The following LYST variants were observed in gnomAD, a reference collection of about 807,000 sequenced individuals.
The protein encoded by LYST is lysosomal-trafficking regulator.
Under a neutral mutation model 413.6 loss-of-function variants are expected in LYST, and 192 were observed. That is an observed-to-expected ratio of 0.46 (90% CI 0.41 to 0.52). The LOEUF is 0.52. Among genes scored for constraint, LYST ranks in the 20% least tolerant of loss-of-function variants. LYST has a pLI of 0.00. For missense variants in LYST, 3,815 were observed against 4,499.9 expected (o/e 0.85, Z 4.35); for synonymous variants, 1,525 against 1,567.3 (o/e 0.97, Z 0.64).
intron 47 of LYST, among the ~76,000 whole-genome samples, chr1:235,690,409 C>T (rs556645256): frequency 3.3e-4 from 50 of 152,220 alleles, no homozygotes; most frequent in African/African-American, 1.2e-3. Flanking sequence ...AGTTATACTA[C>T]AAGCTTTGCC....
At chr1:235,837,146 G>T (rs1158530152) in intron 1 of LYST, among the ~76,000 whole-genome samples, 3 of 152,202 alleles carry the variant, frequency 2.0e-5, no homozygotes, top group African/African-American at 7.2e-5. Context: ...TAAGGGAGCA[G>T]AGAAGAGGTT....
intron 30 of LYST, among the ~76,000 whole-genome samples, chr1:235,742,272 T>C (rs1665481761): frequency 1.3e-5 from 2 of 151,970 alleles, no homozygotes; most frequent in Non-Finnish European, 2.9e-5. Context: ...CTGGACAACA[T>C]GGTGAAACGC....
chr1:235,830,651 T>C (rs1675873010), intron 2 of LYST, among the ~76,000 whole-genome samples: 1 of 152,278 alleles, frequency 6.6e-6, no homozygotes, highest in East Asian at 1.9e-4. Flanking sequence ...TACCTGAGCA[T>C]AGCTGAGAAT....
rs886046160 is a variant in LYST, at chr1:235,662,109, T to C, written c.*831A>G. The C allele has an allele frequency of 6.6e-6, 1 of 152,234 alleles. No homozygotes were observed. Among genetic ancestry groups the C allele is most frequent in the Non-Finnish European group, 1.5e-5 (1 of 68,034 alleles). The allele number at this position is 152,234 out of a possible 1,614,324, so 9.4% of individuals were successfully genotyped here. Reference sequence around the variant, plus strand: ...CTTCTTGCATACTGAAGGCTTTCTATTGCAAATTGGTACAGATTCAATGCT... The same window carrying C: ...CTTCTTGCATACTGAAGGCTTTCTACTGCAAATTGGTACAGATTCAATGCT... On this transcript the variant is annotated 3_prime_UTR_variant, in exon 53 of 53. Transcript: ENST00000389793.
chr1:235,836,114 A>G (rs1293573900), intron 1 of LYST, among the ~76,000 whole-genome samples: 2 of 152,220 alleles, frequency 1.3e-5, no homozygotes, highest in Admixed American at 1.3e-4. Flanking sequence ...AGTGACTGGT[A>G]AAATGTAAAA....
At position 235,830,260 on chromosome 1, in the gene LYST, A is replaced by T. The variant is rs1675805723; in HGVS notation, c.158T>A (p.Leu53Gln). The change falls in exon 3 of 53, where the codon CTA becomes CAA. Residue 53 changes from leucine to glutamine, a missense_variant. Leu to Gln is a moderately radical substitution (Grantham distance 113). This residue lies in a region of LYST where 1,648 missense variants were observed against 1,810.3 expected (regional missense o/e 0.91). Coordinates refer to ENST00000389793, the MANE Select transcript of LYST (RefSeq NM_000081.4). The stretch of plus-strand genomic sequence containing the variant: ...TATAGAATTTAGCTTGGTAAGTAAT[A>T]GAAATCCTCGACCATGGACAAGGTA... ...GQYLVHGRGF[L>Q]LLTKLNSIID... The T allele has an allele frequency of 6.2e-7, 1 of 1,613,864 alleles. No individual in the cohort carries two copies. Among genetic ancestry groups the T allele is most frequent in the Non-Finnish European group, 8.5e-7 (1 of 1,179,874 alleles).
chr1:235,724,217 C>A, intron 38 of LYST, 37 bp from the exon 39 acceptor site: 1 of 1,541,140 alleles, frequency 6.5e-7, no homozygotes, highest in South Asian at 1.2e-5. Flanking sequence ...TTTGTTTTAC[C>A]GGAAATATAA....
intron 3 of LYST, among the ~76,000 whole-genome samples, chr1:235,820,922 T>A (rs2102950491): frequency 6.6e-6 from 1 of 152,332 alleles, no homozygotes; most frequent in South Asian, 2.1e-4. Context: ...AACAAACATC[T>A]TTGCCTTATA....
At chr1:235,882,108 A>ACACACACACACACACACAC (rs1553330425) in intron 1 of LYST, among the ~76,000 whole-genome samples, 4 of 151,698 alleles carry the variant, frequency 2.6e-5, no homozygotes, top group African/African-American at 9.7e-5. Flanking sequence ...ACACACACAC[A>ACACACACACACACACACAC]AATAGGAGGC....
chr1:235,825,428 A>C (rs989172772), intron 3 of LYST, among the ~76,000 whole-genome samples: 1 of 152,228 alleles, frequency 6.6e-6, no homozygotes, highest in Non-Finnish European at 1.5e-5. Context: ...ATCATTATTT[A>C]CATACAAAAT....
upstream of LYST, among the ~76,000 whole-genome samples, chr1:235,870,101 A>G (rs916078125): frequency 3.9e-5 from 6 of 151,934 alleles, no homozygotes; most frequent in Admixed American, 3.9e-4. Context: ...TCATCTCACA[A>G]ATGTTCCCTA....
intron 34 of LYST, among the ~76,000 whole-genome samples, chr1:235,733,292 C>T (rs1458090827): frequency 6.6e-6 from 1 of 151,866 alleles, no homozygotes; most frequent in Non-Finnish European, 1.5e-5. Flanking sequence ...TCTAGATGAG[C>T]TACTGCCCCC....
At chr1:235,852,393 G>T (rs1678645490) in intron 1 of LYST, among the ~76,000 whole-genome samples, 2 of 152,162 alleles carry the variant, frequency 1.3e-5, no homozygotes, top group Non-Finnish European at 2.9e-5. Context: ...TGGGGAAAGG[G>T]CCCCAAAAGT....
rs753370421 is a variant in LYST at position 235,762,877 on chromosome 1, A to C, written c.6122-26T>G. On this transcript the variant is annotated intron_variant, in intron 21 of 52. Coordinates refer to ENST00000389793, the MANE Select transcript of LYST (RefSeq NM_000081.4). ...CTAGAATCCAAATTTTTTTTGAAAC[A>C]GCAAAATTTTTAAAAAGGATAAAAC... 3 of 1,605,146 alleles carry C rather than the reference A, an allele frequency of 1.9e-6. No individual in the cohort carries two copies. The Admixed American group carries it at 5.0e-5, about 27-fold the overall frequency.
chr1:235,857,654 G>A (rs1026508498), intron 1 of LYST, among the ~76,000 whole-genome samples: 2 of 151,372 alleles, frequency 1.3e-5, no homozygotes, highest in Non-Finnish European at 2.9e-5. Context: ...AAAAAAGAGG[G>A]GGGTGTGTCT....
intron 41 of LYST, among the ~76,000 whole-genome samples, chr1:235,715,867 A>AT (rs955507409): frequency 1.9e-5 from 2 of 106,048 alleles, no homozygotes; most frequent in African/African-American, 1.5e-4. Flanking sequence ...GTTATCAGAG[A>AT]TAAAAAAAAA....
At chr1:235,813,699 A>AGT (rs1199536008) in intron 3 of LYST, among the ~76,000 whole-genome samples, 4 of 152,250 alleles carry the variant, frequency 2.6e-5, no homozygotes, top group African/African-American at 9.6e-5. Context: ...GAAGGCATGT[A>AGT]GTATGAGTAA....
At chr1:235,685,721 C>T (rs2103055078) in intron 48 of LYST, among the ~76,000 whole-genome samples, 1 of 151,932 alleles carries the variant, frequency 6.6e-6, no homozygotes, top group African/African-American at 2.4e-5. Flanking sequence ...TGGTGTGCGC[C>T]TGTAATCCCA....
intron 3 of LYST, among the ~76,000 whole-genome samples, chr1:235,813,266 A>C (rs573720301): frequency 6.6e-5 from 10 of 152,324 alleles, no homozygotes; most frequent in African/African-American, 2.2e-4. Flanking sequence ...GAAGAATCTA[A>C]GAGTATTTGA....
Sources: allele counts gnomAD v4.1 joint callset (sites outside exome capture counted in the v4.1 genomes callset), GRCh38; gene constraint gnomAD v4.1.1; regional missense constraint gnomAD v4.1.1; transcripts MANE v1.5; gene names NCBI Gene and HGNC (gene_info 2026-07-23, HGNC 2026-07-21).